ATP10B: variants seen among roughly 807,000 people sequenced by gnomAD.
ATP10B encodes the protein ATPase phospholipid transporting 10B (putative), also known as phospholipid-transporting ATPase VB.
In ATP10B, 122 loss-of-function variants were observed where a neutral mutation model predicts 141.2. That is an observed-to-expected ratio of 0.86 (90% CI 0.75 to 1.00). The LOEUF is 1.00. ATP10B is among the 50% of genes least tolerant of loss of function. The pLI, the probability that ATP10B is intolerant of heterozygous loss-of-function variation, is 0.00. For synonymous variants in ATP10B, 685 were observed against 692.0 expected, an observed-to-expected ratio of 0.99 and a Z score of 0.16; for missense variants, 1,876 against 1,825.3, an observed-to-expected ratio of 1.03 and a Z score of -0.51.
intron 5 of ATP10B, among the ~76,000 whole-genome samples, chr5:160,686,713 T>A (rs1763776702): frequency 1.3e-5 from 2 of 152,234 alleles, no homozygotes; most frequent in African/African-American, 4.8e-5. Context: ...CGTTGTGTGA[T>A]TTTTTTGAGC....
At chr5:160,654,577 G>T (rs758245107) in intron 7 of ATP10B, among the ~76,000 whole-genome samples, 1 of 152,142 alleles carries the variant, frequency 6.6e-6, no homozygotes, top group Non-Finnish European at 1.5e-5. Context: ...CTGTCATAAA[G>T]TTCTCACAAA....
the ATP10B span, among the ~76,000 whole-genome samples, chr5:160,865,606 G>A: frequency 6.6e-6 from 1 of 152,092 alleles, no homozygotes; most frequent in African/African-American, 2.4e-5. Context: ...CTTCTCCAAA[G>A]CAAACAAAAT....
chr5:160,820,826 T>A (rs991063469), intron 1 of ATP10B, among the ~76,000 whole-genome samples: 1 of 152,108 alleles, frequency 6.6e-6, no homozygotes, highest in African/African-American at 2.4e-5. Context: ...AAAAAGCATT[T>A]GATAATATTC....
intron 1 of ATP10B, among the ~76,000 whole-genome samples, chr5:160,820,835 T>G (rs946535207): frequency 3.9e-5 from 6 of 152,102 alleles, no homozygotes; most frequent in Admixed American, 2.0e-4. Context: ...TTGATAATAT[T>G]CAACATCCCT....
intron 22 of ATP10B, among the ~76,000 whole-genome samples, chr5:160,595,140 A>G (rs1416037178): frequency 6.6e-6 from 1 of 152,236 alleles, no homozygotes; most frequent in Non-Finnish European, 1.5e-5. Flanking sequence ...CATAGTTGGA[A>G]GTAAAGCACT....
intron 1 of ATP10B, among the ~76,000 whole-genome samples, chr5:160,835,140 A>AT (rs1775337965): frequency 6.6e-6 from 1 of 152,050 alleles, no homozygotes; most frequent in Admixed American, 6.6e-5. Flanking sequence ...CCTCAGCAAG[A>AT]TTAAAAAAAA....
intron 3 of ATP10B, chr5:160,691,842 A>C (rs527377538): frequency 1.3e-5 from 2 of 152,374 alleles, no homozygotes; most frequent in East Asian, 3.9e-4. Flanking sequence ...AAATGTAATT[A>C]CGGATGCCTA....
intron 24 of ATP10B, among the ~76,000 whole-genome samples, chr5:160,570,609 C>G (rs1174963493): frequency 1.3e-5 from 2 of 152,174 alleles, no homozygotes; most frequent in African/African-American, 4.8e-5. Flanking sequence ...ATATGTTTTG[C>G]TGCTGTTTTA....
intron 1 of ATP10B, among the ~76,000 whole-genome samples, chr5:160,821,374 A>G (rs1467898458): frequency 6.6e-6 from 1 of 152,104 alleles, no homozygotes; most frequent in Admixed American, 6.5e-5. Flanking sequence ...TAAGATACAA[A>G]AAAAGCAAAG....
intron 2 of ATP10B, among the ~76,000 whole-genome samples, chr5:160,740,268 A>G (rs1259255197): frequency 6.6e-6 from 1 of 152,234 alleles, no homozygotes; most frequent in Non-Finnish European, 1.5e-5. Context: ...ATTTTGACCA[A>G]CAATAATTTT....
chr5:160,839,465 C>G (rs1322013462), intron 1 of ATP10B, among the ~76,000 whole-genome samples: 1 of 151,314 alleles, frequency 6.6e-6, no homozygotes, highest in Admixed American at 6.6e-5. Flanking sequence ...TAAGTGAGAC[C>G]AAAAAAAGTC....
Position 160,740,840 on chromosome 5 carries a change from G to A in ATP10B, c.-330-23806C>T, listed in dbSNP as rs182927557. On this transcript the variant is annotated intron_variant, in intron 2 of 25. Transcript: ENST00000327245. ...ACAGTAGCAGTGGCGGAATTCTTTG[G>A]ATCTTTGACTGACCTCCATCCCCAA... Among the ~76,000 whole-genome samples, 50 of 152,230 alleles carry A rather than the reference G, an allele frequency of 3.3e-4. No individual in the cohort carries two copies. The East Asian group carries it at 8.9e-3, about 27-fold the overall frequency.
intron 1 of ATP10B, among the ~76,000 whole-genome samples, chr5:160,830,202 T>G (rs758916399): frequency 3.3e-5 from 5 of 152,150 alleles, no homozygotes; most frequent in Non-Finnish European, 5.9e-5. Flanking sequence ...GGTTATGTGG[T>G]TTTTGCTTTT....
chr5:160,620,416 C>T lies in ATP10B; in HGVS notation c.2347G>A (p.Gly783Ser), dbSNP rs757553514. 1.2e-6 allele frequency: 2 copies of T among 1,614,084 alleles called. No individual in the cohort carries two copies. The highest frequency in any genetic ancestry group is 2.2e-5 in the South Asian group (2 of 91,088). ...MSVVVRHPLT[G>S]EIVVYTKGAD... ...CCCTTGGTGTAGACAACAATCTCGC[C>T]AGTCAGTGGGTGCCTCACAACCACA... is the stretch of plus-strand genomic sequence containing the variant. Residue 783 changes from glycine (G) to serine (S), a missense_variant, in exon 15 of 26, where the codon GGC becomes AGC. Transcript: ENST00000327245.
intron 2 of ATP10B, among the ~76,000 whole-genome samples, chr5:160,777,029 A>C (rs369077633): frequency 1.0e-3 from 153 of 152,304 alleles, no homozygotes; most frequent in African/African-American, 3.5e-3. Flanking sequence ...CCTGAGCCAG[A>C]CCCTGCCTCC....
the ATP10B span, among the ~76,000 whole-genome samples, chr5:160,894,768 G>A: frequency 7.7e-4 from 117 of 152,276 alleles, no homozygotes; most frequent in South Asian, 0.019. Context: ...CACCAAGGTT[G>A]AAATGAAGGA....
At chr5:160,862,744 A>G in the ATP10B span, among the ~76,000 whole-genome samples, 4 of 151,958 alleles carry the variant, frequency 2.6e-5, no homozygotes, top group Non-Finnish European at 5.9e-5. Flanking sequence ...TCAATCCTTT[A>G]TCAATCTTTA....
At chr5:160,850,533 A>G (rs1753735523) in intron 1 of ATP10B, among the ~76,000 whole-genome samples, 1 of 152,126 alleles carries the variant, frequency 6.6e-6, no homozygotes, top group Non-Finnish European at 1.5e-5. Flanking sequence ...TCTAGGTCCT[A>G]GTTTTATCAT....
intron 2 of ATP10B, among the ~76,000 whole-genome samples, chr5:160,725,718 T>A (rs138709726): frequency 1.6e-3 from 243 of 152,340 alleles, no homozygotes; most frequent in Non-Finnish European, 2.3e-3. Context: ...GTGCTGGGAT[T>A]ACAGGCGTGA....
Sources: gnomAD v4.1 joint callset for allele counts (sites outside exome capture counted in the v4.1 genomes callset) on GRCh38, gnomAD v4.1.1 for gene constraint, MANE v1.5 for transcripts, NCBI Gene and HGNC (gene_info 2026-07-23, HGNC 2026-07-21) for gene names.